The following SLIT3 variants were observed in gnomAD, a reference collection of about 807,000 sequenced individuals.
The protein encoded by SLIT3 is slit guidance ligand 3, also known as slit homolog 3 protein.
In SLIT3, 68 loss-of-function variants were observed where a neutral mutation model predicts 184.0. That is an observed-to-expected ratio of 0.37 (90% CI 0.30 to 0.45). SLIT3 has a LOEUF of 0.45. Among genes scored for constraint, SLIT3 ranks in the 20% least tolerant of loss-of-function variants. The pLI is 1.00. For synonymous variants in SLIT3, 831 were observed against 828.6 expected (o/e 1.00, Z -0.05); for missense variants, 1,707 against 2,026.0 (o/e 0.84, Z 3.02).
intron 10 of SLIT3, among the ~76,000 whole-genome samples, chr5:168,794,688 A>G (rs1049376098): frequency 6.6e-6 from 1 of 152,198 alleles, no homozygotes; most frequent in African/African-American, 2.4e-5. Context: ...GAAAGTCTGT[A>G]CCACGGTAAA....
chr5:169,233,093 T>A (rs1200160923), intron 3 of SLIT3, among the ~76,000 whole-genome samples: 1 of 152,194 alleles, frequency 6.6e-6, no homozygotes, highest in East Asian at 1.9e-4. Flanking sequence ...TGGCACAATC[T>A]TGGCTCACTG....
At chr5:168,774,177 GGCATTTGGGGTCTCCTGC>G in intron 13 of SLIT3, 40 bp downstream of exon 13, 1 of 1,520,984 alleles carries the variant, frequency 6.6e-7, no homozygotes, top group Non-Finnish European at 8.9e-7. Context: ...TTTCATGATG[GGCATTTGGGGTCTCCTGC>G]TGCTTGGGCA....
chr5:168,704,651 T>G (rs1762324972), intron 26 of SLIT3, among the ~76,000 whole-genome samples: 1 of 152,242 alleles, frequency 6.6e-6, no homozygotes, highest in Admixed American at 6.5e-5. Flanking sequence ...ATAATGTGTT[T>G]AAACTGCTTC....
intron 4 of SLIT3, among the ~76,000 whole-genome samples, chr5:169,009,021 G>T (rs1352934375): frequency 6.6e-6 from 1 of 152,048 alleles, no homozygotes; most frequent in African/African-American, 2.4e-5. Flanking sequence ...GGTCGGGCTG[G>T]GATTTGAACC....
Position 168,865,171 on chromosome 5 carries a change from C to T in SLIT3, c.485+18094G>A, listed in dbSNP as rs1277192459. Among the ~76,000 whole-genome samples, 6 of 72,862 alleles carry T rather than the reference C, an allele frequency of 8.2e-5. 1 individual carries two copies. In the Admixed American group the frequency reaches 1.0e-3, roughly 12 times the overall value. The allele number at this position is 72,862 out of a possible 152,430, so 47.8% of individuals were successfully genotyped here. Reference sequence around the variant, plus strand: ...CTGGGCAACAGGAGTGAAACTCCGTCTCAAAAAAAAAAAAAAAAAAAAAAG... The same window carrying T: ...CTGGGCAACAGGAGTGAAACTCCGTTTCAAAAAAAAAAAAAAAAAAAAAAG... On this transcript the variant is annotated intron_variant, in intron 5 of 35. Transcript: ENST00000519560.
chr5:169,219,401 A>T (rs1476952761), intron 3 of SLIT3, among the ~76,000 whole-genome samples: 1 of 152,260 alleles, frequency 6.6e-6, no homozygotes. Flanking sequence ...TACAGACAAT[A>T]AAACTGAAGC....
chr5:168,762,647 A>G lies in SLIT3; in HGVS notation c.1502T>C (p.Met501Thr). The change falls in exon 15 of 36, where the codon ATG becomes ACG. Residue 501 changes from methionine to threonine, a missense_variant. Physicochemically the swap from Met to Thr is moderately conservative, Grantham distance 81. Coordinates refer to ENST00000519560, the MANE Select transcript of SLIT3 (RefSeq NM_003062.4). ...ACACTTCTCGGGGCACACGAGGTCCATGAAGCACTCGCTGCTGAACCTGCT... is the reference window on the plus strand; with the variant it reads ...ACACTTCTCGGGGCACACGAGGTCCGTGAAGCACTCGCTGCTGAACCTGCT... ...YRSRFSSECF[M>T]DLVCPEKCRC... 1.2e-6 allele frequency: 2 copies of G among 1,614,150 alleles called. No individual in the cohort carries two copies. Among genetic ancestry groups the G allele is most frequent in the Non-Finnish European group, 1.7e-6 (2 of 1,180,024 alleles).
rs182149521 is a variant in SLIT3, at chr5:169,120,641, G to A, written c.413+72838C>T. 4.0e-3 allele frequency among the ~76,000 whole-genome samples: 615 copies of A among 152,252 alleles called. 3 individuals are homozygous for A. Among genetic ancestry groups the A allele is most frequent in the Non-Finnish European group, 6.8e-3 (463 of 68,014 alleles). On this transcript the variant is annotated intron_variant, in intron 4 of 35. Transcript: ENST00000519560. ...TGTCGCTTTATGCCACTAAATCTGT[G>A]GTAATTTGTTAAGACAGCAGTAGGA... is the stretch of plus-strand genomic sequence containing the variant.
chr5:168,825,531 G>A (rs920889690), intron 6 of SLIT3, among the ~76,000 whole-genome samples: 7 of 151,992 alleles, frequency 4.6e-5, no homozygotes, highest in Admixed American at 1.3e-4. Flanking sequence ...AAAGAAGAAC[G>A]AACAGACAAA....
At chr5:168,936,200 A>G (rs1762153160) in intron 4 of SLIT3, among the ~76,000 whole-genome samples, 1 of 152,172 alleles carries the variant, frequency 6.6e-6, no homozygotes, top group African/African-American at 2.4e-5. Flanking sequence ...CCAAGACCAA[A>G]TGCTGCACCA....
chr5:169,106,379 A>G (rs1397868539), intron 4 of SLIT3, among the ~76,000 whole-genome samples: 1 of 152,124 alleles, frequency 6.6e-6, no homozygotes, highest in Non-Finnish European at 1.5e-5. Flanking sequence ...GAGGGTCTGT[A>G]CCAAAGGCAT....
intron 4 of SLIT3, among the ~76,000 whole-genome samples, chr5:169,182,279 C>T (rs1763187384): frequency 6.6e-6 from 1 of 152,204 alleles, no homozygotes; most frequent in African/African-American, 2.4e-5. Flanking sequence ...CAAATTTAGG[C>T]AAGGAGCATG....
intron 23 of SLIT3, among the ~76,000 whole-genome samples, chr5:168,717,653 T>C (rs1274703224): frequency 1.3e-5 from 2 of 152,030 alleles, no homozygotes; most frequent in East Asian, 1.9e-4. Context: ...TAAACCTCTC[T>C]GAATCTGTCT....
chr5:169,137,436 T>G (rs1385791650), intron 4 of SLIT3, among the ~76,000 whole-genome samples: 2 of 151,702 alleles, frequency 1.3e-5, no homozygotes, highest in Middle Eastern at 3.2e-3. Context: ...AGGGGGCTGG[T>G]AACTTATTCC....
intron 4 of SLIT3, among the ~76,000 whole-genome samples, chr5:169,175,693 T>TC (rs1158133262): frequency 6.6e-6 from 1 of 152,178 alleles, no homozygotes; most frequent in Non-Finnish European, 1.5e-5. Flanking sequence ...GTACTTTTGG[T>TC]CTCTGTTTTC....
intron 5 of SLIT3, among the ~76,000 whole-genome samples, chr5:168,854,660 C>T (rs1045204544): frequency 3.3e-5 from 5 of 152,218 alleles, no homozygotes; most frequent in Non-Finnish European, 5.9e-5. Context: ...TGGTAAATTA[C>T]GCAGATTCGA....
At chr5:169,079,897 G>C (rs996758973) in intron 4 of SLIT3, among the ~76,000 whole-genome samples, 11 of 112,088 alleles carry the variant, frequency 9.8e-5, no homozygotes, top group Admixed American at 5.7e-4. Flanking sequence ...GCAAAGGGAA[G>C]AGTGAAGAAG....
At chr5:169,188,936 G>T (rs908301672) in intron 4 of SLIT3, among the ~76,000 whole-genome samples, 5 of 152,162 alleles carry the variant, frequency 3.3e-5, no homozygotes, top group Admixed American at 6.5e-5. Flanking sequence ...TGGGTCAGGT[G>T]CTGCAAGAGC....
intron 4 of SLIT3, among the ~76,000 whole-genome samples, chr5:168,907,957 T>TAG (rs1761121325): frequency 6.9e-5 from 4 of 57,624 alleles, no homozygotes; most frequent in African/African-American, 2.4e-4. Context: ...TATATATATA[T>TAG]ATATATATAT....
Sources: allele counts gnomAD v4.1 joint callset (sites outside exome capture counted in the v4.1 genomes callset), GRCh38; gene constraint gnomAD v4.1.1; transcripts MANE v1.5; gene names NCBI Gene and HGNC (gene_info 2026-07-23, HGNC 2026-07-21).